HECTD4: variants seen among roughly 807,000 people sequenced by gnomAD.
HECTD4 encodes the protein probable E3 ubiquitin-protein ligase HECTD4.
A neutral mutation model predicts 471.5 loss-of-function variants in HECTD4; 114 were observed. That is an observed-to-expected ratio of 0.24 (90% CI 0.21 to 0.28). The LOEUF is 0.28. HECTD4 is among the 10% of genes least tolerant of loss of function. HECTD4 has a pLI of 1.00. For synonymous variants in HECTD4, 2,012 were observed against 2,256.0 expected (o/e 0.89, Z 3.07); for missense variants, 3,866 against 5,651.5 (o/e 0.68, Z 10.13).
At chr12:112,314,605 C>A in intron 2 of HECTD4, 59 bp from the exon 3 acceptor site, 2 of 946,574 alleles carry the variant, frequency 2.1e-6, no homozygotes, top group South Asian at 2.8e-5. Context: ...TAATTTAGGT[C>A]ATTAATGCTA....
intron 7 of HECTD4, among the ~76,000 whole-genome samples, chr12:112,287,825 C>G (rs2034788991): frequency 6.6e-6 from 1 of 152,102 alleles, no homozygotes; most frequent in Non-Finnish European, 1.5e-5. Context: ...GTAGCCAAAT[C>G]AGGCAGAAAG....
intron 32 of HECTD4, among the ~76,000 whole-genome samples, chr12:112,242,669 G>A (rs187155221): frequency 2.6e-5 from 4 of 151,774 alleles, no homozygotes; most frequent in Non-Finnish European, 5.9e-5. Flanking sequence ...CAGCACTTTG[G>A]GGGGGCCGAG....
At chr12:112,180,332 G>A (rs2031620338) in intron 62 of HECTD4, among the ~76,000 whole-genome samples, 1 of 152,188 alleles carries the variant, frequency 6.6e-6, no homozygotes, top group Admixed American at 6.5e-5. Flanking sequence ...TGGGTCACAT[G>A]AGGTAAGGAG....
Position 112,381,534 on chromosome 12 carries a change from C to T in HECTD4, c.177+418G>A, listed in dbSNP as rs1279458856. ...GGGAAGAAAAGGATGGGAGGGTACA[C>T]AGCGTGAAAATCAAAATGTTCCCAA... On this transcript the variant is annotated intron_variant, in intron 1 of 75. Transcript: ENST00000682272. This position sits in a 1 kb window ranked among gnomAD's most constrained non-coding sequence, Gnocchi z 4.1. 5.9e-5 allele frequency among the ~76,000 whole-genome samples: 9 copies of T among 152,156 alleles called. No individual in the cohort carries two copies. Among genetic ancestry groups the T allele is most frequent in the African/African-American group, 1.9e-4 (8 of 41,424 alleles).
chr12:112,325,813 GTT>G (rs112407518), intron 1 of HECTD4, among the ~76,000 whole-genome samples: 1 of 143,124 alleles, frequency 7.0e-6, no homozygotes, highest in Admixed American at 7.0e-5. Context: ...TTTTGTTGCC[GTT>G]TTTTTTTTTT....
rs1434799645 is a variant in HECTD4 at position 112,179,456 on chromosome 12, T to A, written c.10988-59A>T. ...CGTGAACATGCATCGGGACAAGCCC[T>A]GCGAGCATTCTGTTTCCAAACACTG... On this transcript the variant is annotated intron_variant, in intron 62 of 75. Coordinates refer to ENST00000682272, the MANE Select transcript of HECTD4 (RefSeq NM_001388303.1). The surrounding 1 kb of genome is among the most constrained non-coding windows in gnomAD (Gnocchi z 4.3). 2.1e-6 allele frequency: 3 copies of A among 1,422,198 alleles called. No individual in the cohort carries two copies. The South Asian group carries it at 3.7e-5, about 17-fold the overall frequency. The allele number at this position is 1,422,198 out of a possible 1,614,324, so 88.1% of individuals were successfully genotyped here. A position where few individuals can be genotyped will look rare whatever the true frequency, so the allele number is the denominator to read the frequency against.
At chr12:112,169,281 G>C (rs74582787) in intron 70 of HECTD4, among the ~76,000 whole-genome samples, 2,335 of 152,350 alleles carry the variant, frequency 0.015, 69 homozygotes, top group African/African-American at 0.053. Context: ...CCTGAGCAGA[G>C]GTGCCGTCCC....
chr12:112,244,078 C>A, intron 29 of HECTD4, 69 bp from the exon 30 acceptor site: 2 of 1,500,656 alleles, frequency 1.3e-6, no homozygotes, highest in South Asian at 2.4e-5. Flanking sequence ...CAACACAGAA[C>A]TACCCAACAG....
Position 112,306,136 on chromosome 12 carries a change from G to C in HECTD4, c.1263C>G (p.Ile421Met), listed in dbSNP as rs763981810. ...LSSDGTYFYW[I>M]WSPASLNEKT... Reference sequence around the variant, plus strand: ...TCTCATTCAGGCTGGCAGGAGACCAGATCCAATAGAAGTAAGTGCCATCTG... The same window carrying C: ...TCTCATTCAGGCTGGCAGGAGACCACATCCAATAGAAGTAAGTGCCATCTG... Residue 421 changes from isoleucine (I) to methionine (M), a missense_variant, in exon 7 of 76, where the codon ATC becomes ATG. Ile to Met is a conservative substitution (Grantham distance 10, BLOSUM62 1). Transcript: ENST00000682272. 1 of 1,613,156 alleles carries C rather than the reference G, an allele frequency of 6.2e-7. No homozygotes were observed. The highest frequency in any genetic ancestry group is 2.2e-5 in the East Asian group (1 of 44,804).
chr12:112,377,301 A>C (rs2036800917), intron 1 of HECTD4, among the ~76,000 whole-genome samples: 2 of 151,582 alleles, frequency 1.3e-5, no homozygotes, highest in Non-Finnish European at 2.9e-5. Flanking sequence ...AAAAAAACGG[A>C]GCCCTCTTTC....
In HECTD4 at chr12:112,235,316, G is replaced by A. The variant is rs911339056; in HGVS notation, c.5726-50C>T. ...TCAGGAAAACTGCAGTGTTGTTTTGGCGGCTCTGCTAAAATGAAAAATAAT... is the reference window on the plus strand; with the variant it reads ...TCAGGAAAACTGCAGTGTTGTTTTGACGGCTCTGCTAAAATGAAAAATAAT... On this transcript the variant is annotated intron_variant, in intron 36 of 75. Transcript: ENST00000682272. The surrounding 1 kb of genome is among the most constrained non-coding windows in gnomAD (Gnocchi z 5.0). 1 of 1,563,602 alleles carries A rather than the reference G, an allele frequency of 6.4e-7. No individual in the cohort carries two copies. The highest frequency in any genetic ancestry group is 1.9e-5 in the Admixed American group (1 of 52,786).
At chr12:112,298,190 G>A (rs975896228) in intron 7 of HECTD4, among the ~76,000 whole-genome samples, 1 of 152,160 alleles carries the variant, frequency 6.6e-6, no homozygotes. Flanking sequence ...AAAATAGAGT[G>A]CCTTGAGGTG....
At chr12:112,261,511 A>C in intron 17 of HECTD4, 82 bp from the exon 18 acceptor site, 1 of 1,300,698 alleles carries the variant, frequency 7.7e-7, no homozygotes, top group Non-Finnish European at 1.1e-6. Flanking sequence ...TGATGTATTT[A>C]ATGATGTATT....
chr12:112,284,446 C>A (rs2034707685), intron 7 of HECTD4, among the ~76,000 whole-genome samples: 1 of 152,066 alleles, frequency 6.6e-6, no homozygotes, highest in African/African-American at 2.4e-5. Flanking sequence ...AAAGAGGAGT[C>A]CACAGGGAAA....
At chr12:112,376,393 C>T (rs1324584714) in intron 1 of HECTD4, among the ~76,000 whole-genome samples, 2 of 151,998 alleles carry the variant, frequency 1.3e-5, no homozygotes, top group Non-Finnish European at 2.9e-5. Context: ...ACTACAGGCG[C>T]CCGCCACCAC....
Position 112,229,807 on chromosome 12 carries a change from C to T in HECTD4, c.6410G>A (p.Ser2137Asn). The T allele has an allele frequency of 2.5e-6, 4 of 1,614,016 alleles. No homozygotes were observed. The highest frequency in any genetic ancestry group is 3.4e-6 in the Non-Finnish European group (4 of 1,179,886). ...YAESILENGS[S>N]SGRKLAKLQR... Reference sequence around the variant, plus strand: ...AAGTTTGGCAAGTTTCCTGCCACTGCTGCTGCCATTTTCCAGAATGCTTTC... The same window carrying T: ...AAGTTTGGCAAGTTTCCTGCCACTGTTGCTGCCATTTTCCAGAATGCTTTC... The change falls in exon 41 of 76, where the codon AGC (serine) becomes AAC (asparagine). Residue 2137 changes from serine to asparagine, a missense_variant. Coordinates refer to ENST00000682272, the MANE Select transcript of HECTD4 (RefSeq NM_001388303.1).
At chr12:112,334,665 C>T (rs1253099334) in intron 1 of HECTD4, among the ~76,000 whole-genome samples, 3 of 149,398 alleles carry the variant, frequency 2.0e-5, no homozygotes, top group Admixed American at 6.7e-5. Context: ...AAAAAATAGC[C>T]GGCATGGTGT....
chr12:112,216,654 T>C (rs2032925648), intron 47 of HECTD4, 119 bp downstream of exon 47: 1 of 1,159,924 alleles, frequency 8.6e-7, no homozygotes, highest in Non-Finnish European at 1.2e-6. Flanking sequence ...GGAAAAATAA[T>C]GCTCTCCTTT....
intron 9 of HECTD4, among the ~76,000 whole-genome samples, chr12:112,276,829 T>C (rs2034538286): frequency 6.6e-6 from 1 of 152,144 alleles, no homozygotes; most frequent in Non-Finnish European, 1.5e-5. Flanking sequence ...AATAAGCACA[T>C]GAAAAGATGC....
Sources: allele counts gnomAD v4.1 joint callset (sites outside exome capture counted in the v4.1 genomes callset), GRCh38; gene constraint gnomAD v4.1.1; non-coding constraint Gnocchi (gnomAD v3.1); transcripts MANE v1.5; gene names NCBI Gene and HGNC (gene_info 2026-07-23, HGNC 2026-07-21).